Variants in OPTN observed in about 807,000 individuals in gnomAD.
OPTN encodes optineurin, also known as E3-14.7K-interacting protein.
Under a neutral mutation model 70.4 loss-of-function variants are expected in OPTN, and 54 were observed. That is an observed-to-expected ratio of 0.77 (90% confidence interval 0.62 to 0.96). The LOEUF is 0.96. Among genes scored for constraint, OPTN ranks in the 40% least tolerant of loss-of-function variants. The pLI, the probability that OPTN is intolerant of heterozygous loss-of-function variation, is 0.00. For synonymous variants in OPTN, 256 were observed against 248.5 expected (o/e 1.03, Z -0.28); for missense variants, 624 against 673.2 (o/e 0.93, Z 0.81).
chr10:13,127,934 G>A (rs373912708), intron 12 of OPTN, 31 bp downstream of exon 12: 13 of 1,612,104 alleles, frequency 8.1e-6, no homozygotes, highest in South Asian at 1.1e-5. Context: ...CCAGCTGAGC[G>A]AGGCCAGCCC....
intron 1 of OPTN, among the ~76,000 whole-genome samples, chr10:13,104,952 G>A (rs943203869): frequency 2.0e-5 from 3 of 151,522 alleles, no homozygotes; most frequent in African/African-American, 7.3e-5. Flanking sequence ...GCCGACGTGC[G>A]AGCTCTGCTA....
chr10:13,109,080 A>G, intron 2 of OPTN, 32 bp from the exon 3 acceptor site: 1 of 1,606,420 alleles, frequency 6.2e-7, no homozygotes. Context: ...GGCGGGGGAC[A>G]GCTCTATTTT....
At chr10:13,131,326 T>A (rs1268143556) in intron 12 of OPTN, 1 of 152,262 alleles carries the variant, frequency 6.6e-6, no homozygotes, top group East Asian at 1.9e-4. Flanking sequence ...GTTACACAGG[T>A]TGGGTTTATT....
chr10:13,100,953 T>C (rs1331204367), intron 1 of OPTN, among the ~76,000 whole-genome samples: 1 of 152,192 alleles, frequency 6.6e-6, no homozygotes, highest in Non-Finnish European at 1.5e-5. Flanking sequence ...GAACTGTTTG[T>C]AAGGATGAAA....
chr10:13,111,495 C>G (rs185948264), intron 4 of OPTN, among the ~76,000 whole-genome samples: 4 of 151,776 alleles, frequency 2.6e-5, no homozygotes, highest in Admixed American at 2.6e-4. Flanking sequence ...GTGAGGAGTT[C>G]GAGACCAGCC....
rs969724038 is a variant in OPTN, at chr10:13,138,023, T to C, written c.*1157T>C. On this transcript the variant is annotated 3_prime_UTR_variant, in exon 15 of 15. Transcript: ENST00000378747. ...ATGATTAATATCATCATATATATTT[T>C]CTGTATTAAGCTCATTTGGCTTCAT... 3 of 203,336 alleles carry C rather than the reference T, an allele frequency of 1.5e-5. No individual in the cohort carries two copies. Among genetic ancestry groups the C allele is most frequent in the Non-Finnish European group, 2.0e-5 (2 of 99,130 alleles). The allele number at this position is 203,336 out of a possible 1,614,324, so 12.6% of individuals were successfully genotyped here. A position where few individuals can be genotyped will look rare whatever the true frequency, so the allele number is the denominator to read the frequency against.
At position 13,119,025 on chromosome 10, in the gene OPTN, A is replaced by G; in HGVS notation, c.764A>G (p.Lys255Arg). 6.2e-7 allele frequency: 1 copy of G among 1,614,174 alleles called. No individual in the cohort carries two copies. The highest frequency in any genetic ancestry group is 8.5e-7 in the Non-Finnish European group (1 of 1,180,008). The change falls in exon 7 of 15, where the codon AAG becomes AGG. Residue 255 changes from lysine (K) to arginine (R), a missense_variant. By Grantham distance (26) the Lys-to-Arg change is conservative. Coordinates refer to ENST00000378747, the MANE Select transcript of OPTN (RefSeq NM_001008212.2). ...QKVERLEVALKEAKERVSDFE... is the reference protein window; with the variant it reads ...QKVERLEVALREAKERVSDFE... ...GTGGAGAGACTTGAAGTTGCACTCA[A>G]GGAGGCCAAAGAAAGGTATGAAATA...
At chr10:13,113,838 C>T (rs1833064054) in intron 5 of OPTN, among the ~76,000 whole-genome samples, 1 of 151,904 alleles carries the variant, frequency 6.6e-6, no homozygotes, top group African/African-American at 2.4e-5. Context: ...AGGCAGGATC[C>T]CTTGAGCCCA....
intron 4 of OPTN, among the ~76,000 whole-genome samples, chr10:13,111,518 C>T (rs559393332): frequency 7.7e-4 from 109 of 141,216 alleles, no homozygotes; most frequent in Middle Eastern, 3.5e-3. Context: ...GCCAACATGG[C>T]GAAACCCCAT....
chr10:13,111,791 C>A (rs1833005532), intron 4 of OPTN, among the ~76,000 whole-genome samples: 1 of 149,854 alleles, frequency 6.7e-6, no homozygotes, highest in Admixed American at 6.7e-5. Flanking sequence ...GGTGTGGGGG[C>A]AATTGAGTCT....
At chr10:13,103,147 C>T (rs966198355) in intron 1 of OPTN, among the ~76,000 whole-genome samples, 28 of 152,094 alleles carry the variant, frequency 1.8e-4, no homozygotes, top group African/African-American at 5.5e-4. Context: ...TGTGTAATGA[C>T]GAGGCTGCTT....
At chr10:13,117,025 A>G (rs1197851422) in intron 6 of OPTN, among the ~76,000 whole-genome samples, 7 of 150,130 alleles carry the variant, frequency 4.7e-5, no homozygotes, top group Non-Finnish European at 5.9e-5. Context: ...CAAGCTGCTT[A>G]CTCCTGTAAT....
intron 3 of OPTN, chr10:13,110,060 G>T (rs2131483003): frequency 1.4e-6 from 1 of 730,568 alleles, no homozygotes; most frequent in Non-Finnish European, 2.1e-6. Context: ...TTATTTTCTT[G>T]GGATTTTTAA....
rs1214987943 is a variant in OPTN, at chr10:13,109,360, G to A, written c.166+72G>A. The A allele has an allele frequency of 6.7e-6, 10 of 1,494,628 alleles. No individual in the cohort carries two copies. The Admixed American group carries it at 8.5e-5, about 13-fold the overall frequency. 92.6% of individuals were successfully genotyped at this position (1,494,628 alleles called of 1,614,324 possible). ...AGAAATGCCATCCCTTTGCACTAAGGCTTGGTGGTGAGCTCCCTTCTCCCC... is the reference window on the plus strand; with the variant it reads ...AGAAATGCCATCCCTTTGCACTAAGACTTGGTGGTGAGCTCCCTTCTCCCC... On this transcript the variant is annotated intron_variant, in intron 3 of 14. Coordinates refer to ENST00000378747, the MANE Select transcript of OPTN (RefSeq NM_001008212.2).
At chr10:13,115,640 A>T (rs1258403647) in intron 5 of OPTN, among the ~76,000 whole-genome samples, 2 of 139,062 alleles carry the variant, frequency 1.4e-5, no homozygotes, top group Non-Finnish European at 3.0e-5. Flanking sequence ...ATCTAAATAT[A>T]TTATATATAT....
chr10:13,119,679 A>G (rs1833299270), intron 7 of OPTN, among the ~76,000 whole-genome samples: 1 of 152,196 alleles, frequency 6.6e-6, no homozygotes. Context: ...GCAGTGCATG[A>G]GCATTCCACT....
intron 1 of OPTN, among the ~76,000 whole-genome samples, chr10:13,105,868 C>T (rs951699785): frequency 5.9e-5 from 9 of 151,276 alleles, no homozygotes; most frequent in Non-Finnish European, 1.2e-4. Context: ...GAGATTGTGC[C>T]ACTGTACTCC....
chr10:13,116,470 C>A, intron 6 of OPTN, 130 bp downstream of exon 6: 1 of 732,658 alleles, frequency 1.4e-6, no homozygotes. Flanking sequence ...AGGATCTTTC[C>A]AGAATATTTG....
chr10:13,106,740 G>A (rs912305121), intron 1 of OPTN, among the ~76,000 whole-genome samples: 3 of 152,230 alleles, frequency 2.0e-5, no homozygotes, highest in Admixed American at 2.0e-4. Context: ...CAACACCACA[G>A]TGGTGCATTT....
Sources: allele counts gnomAD v4.1 joint callset (sites outside exome capture counted in the v4.1 genomes callset), GRCh38; gene constraint gnomAD v4.1.1; transcripts MANE v1.5; gene names NCBI Gene and HGNC (gene_info 2026-07-23, HGNC 2026-07-21).